Variants in PUDP observed in about 807,000 individuals in gnomAD.
PUDP encodes pseudouridine-5'-phosphatase.
PUDP carries 8 observed loss-of-function variants against 9.4 expected under a neutral mutation model. The ratio of observed to expected loss-of-function variants is 0.85; its 90% confidence interval spans 0.50 to 1.53. The LOEUF (loss-of-function observed/expected upper bound fraction) is 1.53. PUDP is among the 40% of genes most tolerant of loss of function. The pLI is 0.00. For synonymous variants in PUDP, 99 were observed against 80.7 expected, an observed-to-expected ratio of 1.23 and a Z score of -1.22; for missense variants, 188 against 189.7, an observed-to-expected ratio of 0.99 and a Z score of 0.05.
intron 1 of PUDP, among the ~76,000 whole-genome samples, chrX:7,027,656 T>C (rs1316511966): frequency 2.0e-5 from 2 of 100,328 alleles, no homozygotes; most frequent in Non-Finnish European, 3.9e-5. Flanking sequence ...AAAGAGAATA[T>C]ATAATATATA....
intron 1 of PUDP, among the ~76,000 whole-genome samples, chrX:7,139,347 C>T (rs1416640111): frequency 8.9e-6 from 1 of 112,111 alleles, no homozygotes; most frequent in Non-Finnish European, 1.9e-5. Flanking sequence ...ATTTAAATAA[C>T]ACGAGAAATT....
At chrX:6,979,245 C>T (rs756499677) in intron 1 of PUDP, among the ~76,000 whole-genome samples, 66 of 111,231 alleles carry the variant, frequency 5.9e-4, no homozygotes, top group Non-Finnish European at 7.5e-4. Context: ...AAAATAAATA[C>T]CATGCAGGAT....
chrX:7,074,408 C>T (rs951415305), intron 3 of PUDP, among the ~76,000 whole-genome samples: 57 of 112,697 alleles, frequency 5.1e-4, no homozygotes, highest in African/African-American at 1.8e-3. Context: ...AAAAACCCCA[C>T]ATGAAACACC....
intron 2 of PUDP, among the ~76,000 whole-genome samples, chrX:7,087,808 C>T (rs1370929706): frequency 3.6e-5 from 4 of 112,367 alleles, no homozygotes; most frequent in African/African-American, 9.7e-5. Context: ...GCAATACAGG[C>T]GATGAGCATC....
At chrX:7,083,965 C>T (rs1931190163) in intron 2 of PUDP, among the ~76,000 whole-genome samples, 1 of 111,000 alleles carries the variant, frequency 9.0e-6, no homozygotes, top group Admixed American at 9.6e-5. Context: ...TGACAATATT[C>T]AAATATACAC....
At chrX:6,985,068 G>C (rs180847853) in intron 1 of PUDP, among the ~76,000 whole-genome samples, 42 of 111,840 alleles carry the variant, frequency 3.8e-4, no homozygotes, top group African/African-American at 1.3e-3. Context: ...ACCAAACTAA[G>C]GGTCAGGCTG....
intron 2 of PUDP, among the ~76,000 whole-genome samples, chrX:7,101,657 T>G (rs1218614634): frequency 1.8e-5 from 2 of 111,900 alleles, no homozygotes; most frequent in Non-Finnish European, 3.8e-5. Flanking sequence ...GTGAAAGGCT[T>G]GGGTAGATAT....
chrX:6,865,683 T>G (rs1204070100), intron 3 of PUDP, among the ~76,000 whole-genome samples: 3 of 111,579 alleles, frequency 2.7e-5, no homozygotes, highest in African/African-American at 9.8e-5. Flanking sequence ...GAGCATTCCC[T>G]CAGATGCCTA....
chrX:6,947,004 T>C (rs981977603), intron 3 of PUDP, among the ~76,000 whole-genome samples: 1 of 105,523 alleles, frequency 9.5e-6, no homozygotes, highest in Admixed American at 1.0e-4. Context: ...TTTGTTTGTT[T>C]TTTTTTTTTT....
intron 3 of PUDP, among the ~76,000 whole-genome samples, chrX:6,848,999 T>C (rs1926788996): frequency 1.8e-5 from 2 of 112,095 alleles, no homozygotes; most frequent in Non-Finnish European, 3.8e-5. Context: ...AACTCTCAGA[T>C]CCCTTCGCCA....
chrX:7,052,369 C>T (rs1464423899), intron 3 of PUDP, among the ~76,000 whole-genome samples: 1 of 111,077 alleles, frequency 9.0e-6, no homozygotes, highest in Non-Finnish European at 1.9e-5. Flanking sequence ...ATGTCCTCTT[C>T]GGCTCATCAC....
chrX:6,873,489 T>A (rs756477853), intron 3 of PUDP, among the ~76,000 whole-genome samples: 27 of 111,998 alleles, frequency 2.4e-4, no homozygotes, highest in Admixed American at 2.4e-3. Context: ...ACGAACAGGA[T>A]TTCATTGACT....
At chrX:6,861,361 A>G (rs958947218) in intron 3 of PUDP, among the ~76,000 whole-genome samples, 8 of 111,596 alleles carry the variant, frequency 7.2e-5, no homozygotes, top group African/African-American at 2.6e-4. Flanking sequence ...TTTCTAATAC[A>G]TATATTAAAG....
chrX:6,910,901 G>A (rs1348888621), intron 3 of PUDP, among the ~76,000 whole-genome samples: 1 of 111,720 alleles, frequency 9.0e-6, no homozygotes, highest in Non-Finnish European at 1.9e-5. Flanking sequence ...TGACTTCTTG[G>A]TGTATCCTCA....
chrX:6,948,104 AC>A (rs1459379761), intron 3 of PUDP, among the ~76,000 whole-genome samples: 1 of 112,166 alleles, frequency 8.9e-6, no homozygotes, highest in Non-Finnish European at 1.9e-5. Flanking sequence ...GATAAAACAA[AC>A]GAAGAAGTTT....
At chrX:6,729,758 C>T (rs1231845950) in intron 3 of PUDP, among the ~76,000 whole-genome samples, 1 of 111,704 alleles carries the variant, frequency 9.0e-6, no homozygotes, top group African/African-American at 3.3e-5. Context: ...TACCAGCTCA[C>T]ATTCCTTTCC....
chrX:6,902,914 A>T (rs1372068820), intron 3 of PUDP, among the ~76,000 whole-genome samples: 2 of 111,834 alleles, frequency 1.8e-5, no homozygotes, highest in Non-Finnish European at 3.8e-5. Flanking sequence ...AGGGGGAAAA[A>T]GGAAAAGAGG....
At chrX:6,715,638 G>T (rs1192187149) in intron 1 of PUDP, among the ~76,000 whole-genome samples, 1 of 112,409 alleles carries the variant, frequency 8.9e-6, no homozygotes, top group African/African-American at 3.2e-5. Context: ...TGAATAAATA[G>T]CTCTCCTTCA....
chrX:7,048,004 C>T (rs190099205), downstream of PUDP, among the ~76,000 whole-genome samples: 1 of 111,821 alleles, frequency 8.9e-6, no homozygotes, highest in East Asian at 2.8e-4. Flanking sequence ...CTTAGAATGC[C>T]GATTCTTTCA....
Sources: allele counts gnomAD v4.1 joint callset (sites outside exome capture counted in the v4.1 genomes callset), GRCh38; gene constraint gnomAD v4.1.1; transcripts MANE v1.5; gene names NCBI Gene and HGNC (gene_info 2026-07-23, HGNC 2026-07-21).